Variants in TROAP observed in about 807,000 individuals in gnomAD.
The protein encoded by TROAP is trophinin associated protein.
In TROAP, 62 loss-of-function variants were observed where a neutral mutation model predicts 83.4. The observed-to-expected ratio is 0.74, with a 90% CI of 0.61 to 0.92. The LOEUF is 0.92. TROAP is among the 40% of genes least tolerant of loss of function. The pLI, the probability that TROAP is intolerant of heterozygous loss-of-function variation, is 0.00. For synonymous variants in TROAP, 352 were observed against 386.4 expected, an observed-to-expected ratio of 0.91 and a Z score of 1.04; for missense variants, 876 against 985.1, an observed-to-expected ratio of 0.89 and a Z score of 1.48.
In TROAP at chr12:49,329,586, G is replaced by A; in HGVS notation, c.1164+132G>A. 1 of 1,154,302 alleles carries A rather than the reference G, an allele frequency of 8.7e-7. No individual in the cohort carries two copies. The highest frequency in any genetic ancestry group is 1.2e-6 in the Non-Finnish European group (1 of 813,954). The allele number at this position is 1,154,302 out of a possible 1,614,324, so 71.5% of individuals were successfully genotyped here. A position where few individuals can be genotyped will look rare whatever the true frequency, so the allele number is the denominator to read the frequency against. On this transcript the variant is annotated intron_variant, in intron 11 of 14. Coordinates refer to ENST00000257909, the MANE Select transcript of TROAP (RefSeq NM_005480.4). This position sits in a 1 kb window ranked among gnomAD's most constrained non-coding sequence, Gnocchi z 4.5. ...CACACCTGTAATCCCAGCACTTTGG[G>A]AGGCTGAGGTAGGAGGATTGCTTGA...
At chr12:49,327,574 A>G (rs1943520166) in intron 8 of TROAP, among the ~76,000 whole-genome samples, 1 of 152,156 alleles carries the variant, frequency 6.6e-6, no homozygotes, top group East Asian at 1.9e-4. Flanking sequence ...GATCAGTGCT[A>G]AGGGTGAGAC....
At chr12:49,325,116 A>G (rs1197698050) in intron 3 of TROAP, among the ~76,000 whole-genome samples, 1 of 150,972 alleles carries the variant, frequency 6.6e-6, no homozygotes, top group Non-Finnish European at 1.5e-5. Context: ...ATGGGGTTTT[A>G]CCATGTTGGC....
Position 49,329,330 on chromosome 12 carries a change from A to G in TROAP, c.1105-65A>G. ...ATGGGTACAGGAGAGAGAAGACAGA[A>G]GCAAGGGGAGGCTGAGTGCCATCTG... On this transcript the variant is annotated intron_variant, in intron 10 of 14. Coordinates refer to ENST00000257909, the MANE Select transcript of TROAP (RefSeq NM_005480.4). The surrounding 1 kb of genome is among the most constrained non-coding windows in gnomAD (Gnocchi z 4.5). The G allele has an allele frequency of 1.9e-6, 3 of 1,613,170 alleles. No individual in the cohort carries two copies. The highest frequency in any genetic ancestry group is 2.5e-6 in the Non-Finnish European group (3 of 1,179,144).
In TROAP at chr12:49,327,125, T is replaced by C. The variant is rs927326371; in HGVS notation, c.770-84T>C. ...TGCAATGGGGCCTATTAAACTAATA[T>C]ACCCTCTTCAGAAGTTGCAGAACAC... On this transcript the variant is annotated intron_variant, in intron 7 of 14. Transcript: ENST00000257909. 2.6e-6 allele frequency: 4 copies of C among 1,557,038 alleles called. No homozygotes were observed. In the South Asian group the frequency reaches 3.5e-5, roughly 14 times the overall value.
At position 49,329,713 on chromosome 12, in the gene TROAP, A is replaced by T; in HGVS notation, c.1165-144A>T. 1 of 1,299,936 alleles carries T rather than the reference A, an allele frequency of 7.7e-7. No homozygotes were observed. Among genetic ancestry groups the T allele is most frequent in the African/African-American group, 1.5e-5 (1 of 67,276 alleles). The allele number at this position is 1,299,936 out of a possible 1,614,324, so 80.5% of individuals were successfully genotyped here. ...TCTCTGGAAAAGCTGCCTAACTCTC[A>T]CTGCTTCTCTGCTGCCCCTCCTAAT... On this transcript the variant is annotated intron_variant, in intron 11 of 14. Coordinates refer to ENST00000257909, the MANE Select transcript of TROAP (RefSeq NM_005480.4). This position sits in a 1 kb window ranked among gnomAD's most constrained non-coding sequence, Gnocchi z 4.5.
chr12:49,331,178 C>T (rs1018542573), intron 13 of TROAP, 36 bp from the exon 14 acceptor site: 10 of 1,612,760 alleles, frequency 6.2e-6, no homozygotes, highest in Non-Finnish European at 8.5e-6. Context: ...AAGTATAGGA[C>T]CCCAGACCTC....
Position 49,326,694 on chromosome 12 carries a change from T to G in TROAP, c.743T>G (p.Leu248Trp). ...SRTSVSQASG[L>W]LLETPVQPAF... ...ACTTCAGTGAGCCAGGCCTCAGGAT[T>G]GCTCCTGGAGACCCCAGTCCAGCCT... The change falls in exon 7 of 15, where the codon TTG (leucine) becomes TGG (tryptophan). Residue 248 changes from leucine (L) to tryptophan (W), a missense_variant. By Grantham distance (61) the Leu-to-Trp change is moderately conservative. Transcript: ENST00000257909. 1 of 1,561,142 alleles carries G rather than the reference T, an allele frequency of 6.4e-7. No individual in the cohort carries two copies. Among genetic ancestry groups the G allele is most frequent in the Admixed American group, 1.9e-5 (1 of 52,728 alleles).
At position 49,325,879 on chromosome 12, in the gene TROAP, G is replaced by A. The variant is rs1943492008; in HGVS notation, c.628G>A (p.Ala210Thr). 1 of 1,612,852 alleles carries A rather than the reference G, an allele frequency of 6.2e-7. No individual in the cohort carries two copies. The highest frequency in any genetic ancestry group is 8.5e-7 in the Non-Finnish European group (1 of 1,179,758). ...GACATTGTGCCCCCAGAGGCTACAGGCTCTGGTGAGTGCCCTTGAGGGGCT... is the reference window on the plus strand; with the variant it reads ...GACATTGTGCCCCCAGAGGCTACAGACTCTGGTGAGTGCCCTTGAGGGGCT... ...GRTLCPQRLQ[A>T]LISPSGPSFH... The change falls in exon 5 of 15, where the codon GCT becomes ACT. Residue 210 changes from alanine (A) to threonine (T), a missense_variant. Coordinates refer to ENST00000257909, the MANE Select transcript of TROAP (RefSeq NM_005480.4).
intron 12 of TROAP, 52 bp downstream of exon 12, chr12:49,330,043 G>A: frequency 1.2e-6 from 2 of 1,609,342 alleles, no homozygotes; most frequent in African/African-American, 1.3e-5. Flanking sequence ...TGACTGGGCT[G>A]AGGAAGAGGG....
chr12:49,326,624 C>G (rs1943504980), intron 6 of TROAP, 44 bp from the exon 7 acceptor site: 1 of 1,542,814 alleles, frequency 6.5e-7, no homozygotes, highest in African/African-American at 1.4e-5. Context: ...CCAGCTCATA[C>G]TTGGTATTCA....
At position 49,330,010 on chromosome 12, in the gene TROAP, C is replaced by A. The variant is rs747601133; in HGVS notation, c.1299+19C>A. 1.9e-6 allele frequency: 3 copies of A among 1,613,548 alleles called. No homozygotes were observed. Among genetic ancestry groups the A allele is most frequent in the East Asian group, 2.2e-5 (1 of 44,884 alleles). On this transcript the variant is annotated intron_variant, in intron 12 of 14. Coordinates refer to ENST00000257909, the MANE Select transcript of TROAP (RefSeq NM_005480.4). ...GATTCAAGTGAGTCTGTGTGGCCAA[C>A]AGCTTTGATGTCTATTGAACAGTGA...
At chr12:49,324,244 T>C in intron 3 of TROAP, 1 of 1,598,742 alleles carries the variant, frequency 6.3e-7, no homozygotes, top group Non-Finnish European at 8.6e-7. Context: ...CCATGGCTTG[T>C]ACCTGTAATC....
chr12:49,325,683 C>T, intron 4 of TROAP, 25 bp downstream of exon 4: 1 of 1,613,198 alleles, frequency 6.2e-7, no homozygotes, highest in Non-Finnish European at 8.5e-7. Flanking sequence ...TGTGAGGAGA[C>T]CAGGCTAGGG....
At chr12:49,326,807 G>A (rs2137067510) in intron 7 of TROAP, 87 bp downstream of exon 7, 2 of 1,422,968 alleles carry the variant, frequency 1.4e-6, no homozygotes, top group African/African-American at 1.4e-5. Flanking sequence ...AGCAGGCTGG[G>A]AGGGAGCATG....
chr12:49,331,085 A>T, intron 13 of TROAP, 129 bp from the exon 14 acceptor site: 5 of 1,529,778 alleles, frequency 3.3e-6, no homozygotes, highest in Non-Finnish European at 4.5e-6. Context: ...CCTCAGGAAG[A>T]GGGGAGGGGC....
Position 49,330,325 on chromosome 12 carries a change from CTG to C in TROAP, c.1482_1483del (p.Leu495LysfsTer33). On this transcript the variant is annotated frameshift_variant, in exon 13 of 15. Transcript: ENST00000257909. LOFTEE classifies it high-confidence loss of function. ...CTCTGGGACTTCCCACCTTCCTGGA[CTG>C]TTAAAACACTCAGGGCTGCCAAAGC... ...HNSGTSHLPG[L>X]LKHSGLPKPC... is the part of the protein sequence containing the mutation. The C allele has an allele frequency of 6.2e-7, 1 of 1,614,150 alleles. No homozygotes were observed. The highest frequency in any genetic ancestry group is 8.5e-7 in the Non-Finnish European group (1 of 1,179,994).
intron 8 of TROAP, among the ~76,000 whole-genome samples, chr12:49,327,814 AC>A (rs1280062379): frequency 1.3e-5 from 2 of 152,134 alleles, no homozygotes; most frequent in African/African-American, 4.8e-5. Context: ...ATAATAAGGC[AC>A]TAAAGGAGAA....
At position 49,330,810 on chromosome 12, in the gene TROAP, G is replaced by A. The variant is rs758580951; in HGVS notation, c.1965G>A (p.Glu655=). 1.3e-5 allele frequency: 21 copies of A among 1,613,758 alleles called. No homozygotes were observed. ...GCACCCTGGAACATAGAAGTCTAGA[G>A]TCCAGTCTACCACCCTGCTGCAGTC... ...EPCTLEHRSL[E]SSLPPCCSQW... Residue 655 remains glutamate, a synonymous_variant, in exon 13 of 15, where the codon GAG becomes GAA. Transcript: ENST00000257909.
intron 6 of TROAP, among the ~76,000 whole-genome samples, chr12:49,326,448 G>A (rs1054986113): frequency 6.6e-6 from 1 of 152,224 alleles, no homozygotes. Context: ...GTGGCAATAA[G>A]TGGGATTTGG....
Sources: gnomAD v4.1 joint callset for allele counts (sites outside exome capture counted in the v4.1 genomes callset) on GRCh38, gnomAD v4.1.1 for gene constraint, Gnocchi (gnomAD v3.1) non-coding constraint, MANE v1.5 for transcripts, NCBI Gene and HGNC (gene_info 2026-07-23, HGNC 2026-07-21) for gene names.